The following KIAA0825 variants were observed in gnomAD, a reference collection of about 807,000 sequenced individuals.
KIAA0825 encodes the protein KIAA0825.
Under a neutral mutation model 147.6 loss-of-function variants are expected in KIAA0825, and 119 were observed. The observed-to-expected ratio is 0.81, with a 90% CI of 0.69 to 0.94. The LOEUF (loss-of-function observed/expected upper bound fraction) is 0.94, where lower values mean the gene tolerates loss of function less well. Among genes scored for constraint, KIAA0825 ranks in the 40% least tolerant of loss-of-function variants. The probability of loss-of-function intolerance (pLI) is 0.00; values close to 1 mark genes in which losing one functional copy is unlikely to be tolerated. For missense variants in KIAA0825, 1,381 were observed against 1,472.7 expected, an observed-to-expected ratio of 0.94 and a Z score of 1.02; for synonymous variants, 470 against 518.1, an observed-to-expected ratio of 0.91 and a Z score of 1.26.
At chr5:94,313,106 G>A (rs1427581417) in intron 20 of KIAA0825, among the ~76,000 whole-genome samples, 1 of 151,598 alleles carries the variant, frequency 6.6e-6, no homozygotes, top group Non-Finnish European at 1.5e-5. Flanking sequence ...TGGAACAAAT[G>A]GCTTGTTAAA....
At chr5:94,571,558 G>A (rs1382273587) in intron 2 of KIAA0825, among the ~76,000 whole-genome samples, 1 of 152,200 alleles carries the variant, frequency 6.6e-6, no homozygotes, top group Non-Finnish European at 1.5e-5. Flanking sequence ...ATGCCTGACA[G>A]AGTGGTATAC....
intron 2 of KIAA0825, among the ~76,000 whole-genome samples, chr5:94,555,765 C>T (rs1454516037): frequency 6.6e-6 from 1 of 151,996 alleles, no homozygotes; most frequent in African/African-American, 2.4e-5. Context: ...GAAGGTGAAA[C>T]CAAGATAATA....
intron 20 of KIAA0825, among the ~76,000 whole-genome samples, chr5:94,299,627 C>A (rs552806575): frequency 2.0e-5 from 3 of 152,248 alleles, no homozygotes; most frequent in African/African-American, 7.2e-5. Context: ...TACTGTCCCT[C>A]ATAATTTGAA....
intron 14 of KIAA0825, among the ~76,000 whole-genome samples, chr5:94,435,956 A>G (rs921749641): frequency 3.3e-5 from 5 of 151,962 alleles, no homozygotes; most frequent in Admixed American, 1.3e-4. Context: ...TCCTTTGCCC[A>G]CTTGTTAATC....
intron 5 of KIAA0825, among the ~76,000 whole-genome samples, chr5:94,498,536 A>G (rs1423260583): frequency 2.0e-5 from 3 of 152,224 alleles, no homozygotes; most frequent in African/African-American, 7.2e-5. Context: ...CAGAGGTTTA[A>G]TTGTTGTTTA....
At chr5:94,156,848 A>G (rs887638530) in intron 20 of KIAA0825, among the ~76,000 whole-genome samples, 2 of 152,206 alleles carry the variant, frequency 1.3e-5, no homozygotes, top group African/African-American at 4.8e-5. Flanking sequence ...ATTGAATGAA[A>G]GCATTAGAGA....
intron 9 of KIAA0825, 132 bp downstream of exon 9, chr5:94,471,334 T>G: frequency 1.0e-6 from 1 of 993,600 alleles, no homozygotes. Context: ...TTAAGACAAA[T>G]GAAAATAATT....
chr5:94,349,141 G>A (rs1783351692), intron 20 of KIAA0825, among the ~76,000 whole-genome samples: 1 of 152,068 alleles, frequency 6.6e-6, no homozygotes, highest in Admixed American at 6.6e-5. Context: ...AGCAGGGGTG[G>A]CTATTCTTAT....
chr5:94,431,341 C>T (rs967470764), intron 14 of KIAA0825, among the ~76,000 whole-genome samples: 4 of 152,138 alleles, frequency 2.6e-5, no homozygotes, highest in African/African-American at 7.2e-5. Context: ...ATAAAATGAA[C>T]AGGCCTGCAA....
chr5:94,496,071 G>A (rs191188007), intron 5 of KIAA0825, among the ~76,000 whole-genome samples: 1 of 152,278 alleles, frequency 6.6e-6, no homozygotes, highest in African/African-American at 2.4e-5. Flanking sequence ...GGATAAAAAG[G>A]GAAAGGTGGT....
At chr5:94,309,217 G>A (rs1217196745) in intron 20 of KIAA0825, among the ~76,000 whole-genome samples, 1 of 151,690 alleles carries the variant, frequency 6.6e-6, no homozygotes, top group Non-Finnish European at 1.5e-5. Context: ...ACATAGTTTT[G>A]CCCCCAAAGA....
chr5:94,286,690 A>G (rs537817064), intron 20 of KIAA0825, among the ~76,000 whole-genome samples: 1 of 152,218 alleles, frequency 6.6e-6, no homozygotes, highest in East Asian at 1.9e-4. Context: ...TAGCTGGACT[A>G]TAGGTGCACC....
intron 18 of KIAA0825, 91 bp downstream of exon 18, chr5:94,391,444 T>C (rs1399216491): frequency 1.1e-5 from 14 of 1,264,516 alleles, no homozygotes; most frequent in Non-Finnish European, 1.4e-5. Context: ...TAAGAAGTAT[T>C]ATCACCTCCT....
At chr5:94,340,988 C>T (rs181463771) in intron 20 of KIAA0825, among the ~76,000 whole-genome samples, 341 of 152,258 alleles carry the variant, frequency 2.2e-3, no homozygotes, top group African/African-American at 7.7e-3. Context: ...CATAAATCCA[C>T]GGATGGGTCC....
chr5:94,435,355 A>T (rs543784378), intron 14 of KIAA0825, among the ~76,000 whole-genome samples: 43 of 138,078 alleles, frequency 3.1e-4, no homozygotes, highest in Non-Finnish European at 5.9e-4. Flanking sequence ...CTCATTGTTT[A>T]GCTCACATTT....
chr5:94,195,391 AT>A (rs1216054360), intron 20 of KIAA0825, among the ~76,000 whole-genome samples: 1 of 152,230 alleles, frequency 6.6e-6, no homozygotes, highest in East Asian at 1.9e-4. Flanking sequence ...AAAATTAATT[AT>A]TTTTCTTCTA....
rs145033830 is a variant in KIAA0825 at position 94,572,036 on chromosome 5, T to C, written c.-2+10397A>G. 3.6e-3 allele frequency among the ~76,000 whole-genome samples: 544 copies of C among 151,116 alleles called. 3 individuals carry two copies. Among genetic ancestry groups the C allele is most frequent in the African/African-American group, 0.013 (524 of 41,152 alleles). ...CCAAGAGTTCAAGCCTGTGGTGTGC[T>C]AGTAGTGTGCCTGTGAAAAGCCACT... On this transcript the variant is annotated intron_variant, in intron 2 of 20. Transcript: ENST00000682413.
chr5:94,518,659 A>G (rs1230725258), intron 5 of KIAA0825, among the ~76,000 whole-genome samples: 1 of 152,120 alleles, frequency 6.6e-6, no homozygotes, highest in Non-Finnish European at 1.5e-5. Flanking sequence ...TCATTAGCGC[A>G]GTGTTTGGCA....
intron 20 of KIAA0825, among the ~76,000 whole-genome samples, chr5:94,177,708 T>G (rs1292181659): frequency 6.6e-6 from 1 of 152,086 alleles, no homozygotes; most frequent in African/African-American, 2.4e-5. Flanking sequence ...AATTAACTAG[T>G]CTAGACTCCT....
Sources: allele counts gnomAD v4.1 joint callset (sites outside exome capture counted in the v4.1 genomes callset), GRCh38; gene constraint gnomAD v4.1.1; transcripts MANE v1.5; gene names NCBI Gene and HGNC (gene_info 2026-07-23, HGNC 2026-07-21).